The following INPP4B variants were observed in gnomAD, a reference collection of about 807,000 sequenced individuals.
INPP4B encodes the protein inositol polyphosphate-4-phosphatase type II B, also known as inositol polyphosphate 4-phosphatase type II.
Under a neutral mutation model 122.5 loss-of-function variants are expected in INPP4B, and 55 were observed. That is an observed-to-expected ratio of 0.45 (90% CI 0.36 to 0.56). The LOEUF (loss-of-function observed/expected upper bound fraction) is 0.56, where lower values mean the gene tolerates loss of function less well. INPP4B is among the 20% of genes least tolerant of loss of function. The pLI is 0.00. For synonymous variants in INPP4B, 403 were observed against 388.7 expected (o/e 1.04, Z -0.43); for missense variants, 1,000 against 1,097.7 (o/e 0.91, Z 1.26).
intron 12 of INPP4B, among the ~76,000 whole-genome samples, chr4:142,222,524 C>T (rs918028466): frequency 2.6e-5 from 4 of 152,078 alleles, no homozygotes; most frequent in Non-Finnish European, 1.5e-5. Context: ...AATCATGTTG[C>T]CCTGTGCTAA....
At chr4:142,806,850 AG>A (rs1249748289) in intron 1 of INPP4B, among the ~76,000 whole-genome samples, 1 of 149,826 alleles carries the variant, frequency 6.7e-6, no homozygotes, top group African/African-American at 2.5e-5. Context: ...AAAGAAAGAA[AG>A]GAGAAGAAAA....
rs115370359 is a variant in INPP4B, at chr4:142,427,191, G to C, written c.136+1982C>G. ...GTTTTTAAAAAATTCTTCAAGAAAT[G>C]GTGTAGTTGAAGATCTTAAAGTGCT... On this transcript the variant is annotated intron_variant, in intron 5 of 25. Coordinates refer to ENST00000262992, the MANE Select transcript of INPP4B (RefSeq NM_001101669.3). The C allele has an allele frequency of 4.0e-3, 847 of 212,398 alleles. 5 individuals are homozygous for C. Among genetic ancestry groups the C allele is most frequent in the African/African-American group, 0.018 (791 of 43,874 alleles). 13.2% of individuals were successfully genotyped at this position (212,398 alleles called of 1,614,324 possible). A position where few individuals can be genotyped will look rare whatever the true frequency, so the allele number is the denominator to read the frequency against.
chr4:142,399,367 T>A (rs905271325), intron 7 of INPP4B, among the ~76,000 whole-genome samples: 1 of 151,976 alleles, frequency 6.6e-6, no homozygotes, highest in Non-Finnish European at 1.5e-5. Context: ...CAGCTAATTT[T>A]TGTATTTTTA....
chr4:142,597,996 G>T (rs954137199), intron 2 of INPP4B, among the ~76,000 whole-genome samples: 2 of 152,088 alleles, frequency 1.3e-5, no homozygotes, highest in African/African-American at 2.4e-5. Context: ...GTTCAAGATG[G>T]CTAACTAGAA....
At chr4:142,139,363 A>G (rs1477474256) in intron 18 of INPP4B, among the ~76,000 whole-genome samples, 3 of 152,158 alleles carry the variant, frequency 2.0e-5, no homozygotes, top group African/African-American at 7.2e-5. Flanking sequence ...CTGGAGTGCA[A>G]TGGCACAATC....
chr4:142,745,067 T>C (rs963623918), intron 1 of INPP4B, among the ~76,000 whole-genome samples: 53 of 151,836 alleles, frequency 3.5e-4, no homozygotes, highest in African/African-American at 1.3e-3. Context: ...GGTTTGGAGC[T>C]GGAACTGTGA....
At chr4:142,665,673 G>A (rs1435661908) in intron 2 of INPP4B, among the ~76,000 whole-genome samples, 1 of 152,028 alleles carries the variant, frequency 6.6e-6, no homozygotes, top group African/African-American at 2.4e-5. Flanking sequence ...GTGGGATACT[G>A]TATGCCATTG....
At chr4:142,628,596 T>C (rs535729944) in intron 2 of INPP4B, among the ~76,000 whole-genome samples, 115 of 151,304 alleles carry the variant, frequency 7.6e-4, no homozygotes, top group Middle Eastern at 3.4e-3. Context: ...GTTCTTTGAT[T>C]GTCACTTGCT....
chr4:142,431,112 A>C, intron 4 of INPP4B, 57 bp downstream of exon 4: 1 of 1,315,224 alleles, frequency 7.6e-7, no homozygotes, highest in South Asian at 1.2e-5. Flanking sequence ...TGTAAGTTTC[A>C]TCGGCCCAAT....
intron 25 of INPP4B, among the ~76,000 whole-genome samples, chr4:142,055,183 C>T (rs1205494089): frequency 6.6e-6 from 1 of 151,956 alleles, no homozygotes; most frequent in Non-Finnish European, 1.5e-5. Context: ...GAGAAAACAA[C>T]CAAGAACACG....
At chr4:142,761,540 T>C (rs1475332140) in intron 1 of INPP4B, among the ~76,000 whole-genome samples, 1 of 152,184 alleles carries the variant, frequency 6.6e-6, no homozygotes, top group East Asian at 1.9e-4. Flanking sequence ...AAATTTGAAT[T>C]TTATAAAAAG....
intron 24 of INPP4B, among the ~76,000 whole-genome samples, chr4:142,084,355 G>A (rs187685190): frequency 4.3e-4 from 66 of 152,084 alleles, no homozygotes; most frequent in African/African-American, 1.2e-3. Context: ...ACCTGACCTC[G>A]TGATCCGCCC....
chr4:142,574,268 A>G (rs1733402763), intron 2 of INPP4B, among the ~76,000 whole-genome samples: 1 of 152,044 alleles, frequency 6.6e-6, no homozygotes. Flanking sequence ...TGTACTCTGC[A>G]ATCTCAACAT....
intron 2 of INPP4B, among the ~76,000 whole-genome samples, chr4:142,493,731 T>G (rs570407118): frequency 6.6e-6 from 1 of 152,268 alleles, no homozygotes; most frequent in South Asian, 2.1e-4. Context: ...GGAAGGGACT[T>G]ACTTTGTCTC....
At chr4:142,329,814 A>G (rs1466316973) in intron 7 of INPP4B, among the ~76,000 whole-genome samples, 2 of 152,236 alleles carry the variant, frequency 1.3e-5, no homozygotes, top group African/African-American at 4.8e-5. Flanking sequence ...TCACAAGGAC[A>G]CTTGTGGATT....
intron 9 of INPP4B, among the ~76,000 whole-genome samples, chr4:142,272,641 A>G (rs993136709): frequency 6.6e-6 from 1 of 151,994 alleles, no homozygotes; most frequent in African/African-American, 2.4e-5. Flanking sequence ...ATAATTCATT[A>G]TATCAGTTTT....
At chr4:142,454,699 A>G (rs544772626) in intron 3 of INPP4B, among the ~76,000 whole-genome samples, 5 of 152,188 alleles carry the variant, frequency 3.3e-5, no homozygotes, top group African/African-American at 9.6e-5. Context: ...ACTCTGGGAC[A>G]TTGGGCAATT....
At chr4:142,538,971 A>C (rs1200462257) in intron 2 of INPP4B, among the ~76,000 whole-genome samples, 3 of 151,744 alleles carry the variant, frequency 2.0e-5, no homozygotes, top group Non-Finnish European at 4.4e-5. Flanking sequence ...CAAAAAAGAT[A>C]AAAGTAAACC....
At chr4:142,471,471 C>G (rs148305835) in intron 2 of INPP4B, among the ~76,000 whole-genome samples, 1 of 152,186 alleles carries the variant, frequency 6.6e-6, no homozygotes, top group Non-Finnish European at 1.5e-5. Flanking sequence ...ATCACCAAGA[C>G]GGATGCTAGA....
Sources: allele counts gnomAD v4.1 joint callset (sites outside exome capture counted in the v4.1 genomes callset), GRCh38; gene constraint gnomAD v4.1.1; transcripts MANE v1.5; gene names NCBI Gene and HGNC (gene_info 2026-07-23, HGNC 2026-07-21).